Variants in TBC1D1 observed in about 807,000 individuals in gnomAD.
TBC1D1 encodes the protein TBC1 domain family member 1, also known as TBC1 (tre-2/USP6, BUB2, cdc16) domain family, member 1.
A neutral mutation model predicts 125.6 loss-of-function variants in TBC1D1; 89 were observed. The ratio of observed to expected loss-of-function variants is 0.71; its 90% CI spans 0.60 to 0.85. TBC1D1 has a LOEUF of 0.85. Ranked by LOEUF, TBC1D1 falls within the 40% of genes least tolerant of loss-of-function variation. The pLI, the probability that TBC1D1 is intolerant of heterozygous loss-of-function variation, is 0.00. For missense variants in TBC1D1, 1,377 were observed against 1,469.2 expected (o/e 0.94, Z 1.03); for synonymous variants, 565 against 564.1 (o/e 1.00, Z -0.02).
At chr4:38,066,963 G>A (rs1318437430) in intron 12 of TBC1D1, among the ~76,000 whole-genome samples, 5 of 151,826 alleles carry the variant, frequency 3.3e-5, no homozygotes, top group East Asian at 1.9e-4. Flanking sequence ...TGCAACCTCC[G>A]CCTCCTGGGT....
In TBC1D1 at chr4:37,977,154, C is replaced by T. The variant is rs1365746150; in HGVS notation, c.418-37355C>T. On this transcript the variant is annotated intron_variant, in intron 2 of 19. Coordinates refer to ENST00000261439, the MANE Select transcript of TBC1D1 (RefSeq NM_015173.4). This position sits in a 1 kb window ranked among gnomAD's most constrained non-coding sequence, Gnocchi z 4.3. Reference sequence around the variant, plus strand: ...GTTTCCTGCGCAGCCCTGGGCATCTCGGAAGGGGGCGACCCCAGCATGTCC... The same window carrying T: ...GTTTCCTGCGCAGCCCTGGGCATCTTGGAAGGGGGCGACCCCAGCATGTCC... Among the ~76,000 whole-genome samples the T allele has an allele frequency of 1.3e-5, 2 of 152,124 alleles. No homozygotes were observed. The highest frequency in any genetic ancestry group is 4.1e-4 in the South Asian group (2 of 4,832).
intron 2 of TBC1D1, among the ~76,000 whole-genome samples, chr4:38,005,656 C>G (rs1249286623): frequency 6.6e-6 from 1 of 152,166 alleles, no homozygotes; most frequent in African/African-American, 2.4e-5. Context: ...TATCTTTTAC[C>G]TTAGAAATGA....
rs183704600 is a variant in TBC1D1, at chr4:38,051,851, G to A, written c.1910+1953G>A. 59 of 1,517,936 alleles carry A rather than the reference G, an allele frequency of 3.9e-5. 1 individual carries two copies. The highest frequency in any genetic ancestry group is 1.5e-4 in the East Asian group (6 of 40,344). The allele number at this position is 1,517,936 out of a possible 1,614,324, so 94.0% of individuals were successfully genotyped here. On this transcript the variant is annotated intron_variant, in intron 11 of 19. Coordinates refer to ENST00000261439, the MANE Select transcript of TBC1D1 (RefSeq NM_015173.4). ...CTGTTTGCTCCGTGTCCCTGTCGGCGCCCCCTCTCCTGCTAACCCCCCCGT... is the reference window on the plus strand; with the variant it reads ...CTGTTTGCTCCGTGTCCCTGTCGGCACCCCCTCTCCTGCTAACCCCCCCGT...
intron 2 of TBC1D1, among the ~76,000 whole-genome samples, chr4:38,003,707 A>G (rs2152409874): frequency 6.6e-6 from 1 of 152,176 alleles, no homozygotes; most frequent in Admixed American, 6.5e-5. Flanking sequence ...ATCTCTACAA[A>G]AAACAAAAAA....
At chr4:38,087,802 C>T (rs1316852732) in intron 12 of TBC1D1, among the ~76,000 whole-genome samples, 3 of 139,756 alleles carry the variant, frequency 2.1e-5, no homozygotes, top group Admixed American at 7.7e-5. Flanking sequence ...GCCAAGATTG[C>T]GCCACCACAC....
At chr4:37,933,376 T>C (rs1723700545) in intron 2 of TBC1D1, among the ~76,000 whole-genome samples, 1 of 152,056 alleles carries the variant, frequency 6.6e-6, no homozygotes. Context: ...TATATGTTTA[T>C]ATGTACACAC....
chr4:38,086,501 G>A (rs566121134), intron 12 of TBC1D1, among the ~76,000 whole-genome samples: 1 of 152,296 alleles, frequency 6.6e-6, no homozygotes, highest in African/African-American at 2.4e-5. Context: ...CTTTACAGTG[G>A]ATCAGCTTTT....
chr4:37,965,909 G>A (rs1730970451), intron 2 of TBC1D1, among the ~76,000 whole-genome samples: 1 of 151,962 alleles, frequency 6.6e-6, no homozygotes, highest in African/African-American at 2.4e-5. Context: ...ACCATGCCCA[G>A]CTAATTTTTG....
intron 1 of TBC1D1, among the ~76,000 whole-genome samples, 180 bp from the exon 2 acceptor site, chr4:37,901,823 A>G (rs953849581): frequency 1.3e-5 from 2 of 152,220 alleles, no homozygotes; most frequent in South Asian, 4.1e-4. Flanking sequence ...CAGTTATGCC[A>G]TAACCAGGTT....
chr4:37,958,529 T>G lies in TBC1D1; in HGVS notation c.418-55980T>G, dbSNP rs1729346024. 2.0e-5 allele frequency among the ~76,000 whole-genome samples: 3 copies of G among 152,318 alleles called. No individual in the cohort carries two copies. In the South Asian group the frequency reaches 6.2e-4, roughly 32 times the overall value. Reference sequence around the variant, plus strand: ...GCATTCCGTCTCTCCTAGCTCCTTCTCTTACTTAAGCATTCCATCTCTCCT... The same window carrying G: ...GCATTCCGTCTCTCCTAGCTCCTTCGCTTACTTAAGCATTCCATCTCTCCT... On this transcript the variant is annotated intron_variant, in intron 2 of 19. Transcript: ENST00000261439.
At position 38,012,648 on chromosome 4, in the gene TBC1D1, T is replaced by C. The variant is rs1352382973; in HGVS notation, c.418-1861T>C. On this transcript the variant is annotated intron_variant, in intron 2 of 19. Coordinates refer to ENST00000261439, the MANE Select transcript of TBC1D1 (RefSeq NM_015173.4). Reference sequence around the variant, plus strand: ...AGATGTGAATGAAACCTAGACTTCATGCTCTCTTCTCTCTGTCCTGTCTTC... The same window carrying C: ...AGATGTGAATGAAACCTAGACTTCACGCTCTCTTCTCTCTGTCCTGTCTTC... 2.6e-5 allele frequency among the ~76,000 whole-genome samples: 4 copies of C among 152,212 alleles called. No individual in the cohort carries two copies. In the East Asian group the frequency reaches 5.8e-4, roughly 22 times the overall value.
intron 12 of TBC1D1, among the ~76,000 whole-genome samples, chr4:38,086,815 A>G (rs80027452): frequency 6.6e-6 from 1 of 152,172 alleles, no homozygotes; most frequent in Non-Finnish European, 1.5e-5. Flanking sequence ...GGGGAGCTTG[A>G]TGGAAATGCT....
intron 12 of TBC1D1, among the ~76,000 whole-genome samples, chr4:38,065,644 C>CTT (rs11447003): frequency 0.035 from 4,162 of 119,610 alleles, 288 homozygotes; most frequent in African/African-American, 0.079. Context: ...GTATTACCGC[C>CTT]TTTTTTTTTT....
At chr4:38,054,028 A>G (rs958454038) in intron 11 of TBC1D1, among the ~76,000 whole-genome samples, 171 bp from the exon 14 acceptor site, 1 of 152,258 alleles carries the variant, frequency 6.6e-6, no homozygotes, top group African/African-American at 2.4e-5. Context: ...GTAAGAAAGC[A>G]GTTCTTTAGG....
chr4:37,952,278 G>A (rs1728042305), intron 2 of TBC1D1: 1 of 563,742 alleles, frequency 1.8e-6, no homozygotes, highest in Admixed American at 3.1e-5. Flanking sequence ...TTACTTTTCA[G>A]CATGTGACTT....
intron 2 of TBC1D1, among the ~76,000 whole-genome samples, chr4:38,001,522 C>T (rs986094512): frequency 2.0e-5 from 3 of 152,166 alleles, no homozygotes; most frequent in Admixed American, 1.3e-4. Flanking sequence ...AAATCCCAAC[C>T]CTCTAATCAC....
rs751757894 is a variant in TBC1D1, at chr4:38,049,653, C to A, written c.1665C>A (p.Ile555=). Residue 555 remains isoleucine (I), a synonymous_variant, in exon 11 of 20, where the codon ATC becomes ATA. Transcript: ENST00000261439. The stretch of plus-strand genomic sequence containing the variant: ...TGTGTGAAAAGGAGGCCTTGCCCAT[C>A]TCTGAGAGCTCCTTTAAGCTCCTCG... The A allele has an allele frequency of 2.1e-5, 34 of 1,613,118 alleles. No individual in the cohort carries two copies. The highest frequency in any genetic ancestry group is 8.3e-5 in the Admixed American group (5 of 59,948).
chr4:38,043,557 T>C (rs939126752), intron 8 of TBC1D1, among the ~76,000 whole-genome samples: 2 of 148,510 alleles, frequency 1.3e-5, no homozygotes, highest in African/African-American at 2.5e-5. Flanking sequence ...TACTCCAGCC[T>C]GGGCAACAAA....
At chr4:38,049,090 A>C (rs996042060) in intron 10 of TBC1D1, among the ~76,000 whole-genome samples, 2 of 152,242 alleles carry the variant, frequency 1.3e-5, no homozygotes, top group African/African-American at 4.8e-5. Flanking sequence ...GAATTGCAGC[A>C]GTAAGTGCCT....
Sources: gnomAD v4.1 joint callset for allele counts (sites outside exome capture counted in the v4.1 genomes callset) on GRCh38, gnomAD v4.1.1 for gene constraint, Gnocchi (gnomAD v3.1) non-coding constraint, MANE v1.5 for transcripts, NCBI Gene and HGNC (gene_info 2026-07-23, HGNC 2026-07-21) for gene names.